Variants in ENTREP2 observed in about 807,000 individuals in gnomAD.
The protein encoded by ENTREP2 is protein ENTREP2.
chr15:29,222,648 G>A, the ENTREP2 span, among the ~76,000 whole-genome samples: 3 of 152,100 alleles, frequency 2.0e-5, no homozygotes, highest in Admixed American at 6.5e-5. Flanking sequence ...CTCATGCTCA[G>A]GAGAATGTGC....
chr15:29,222,806 C>T, the ENTREP2 span, among the ~76,000 whole-genome samples: 2 of 152,308 alleles, frequency 1.3e-5, no homozygotes, highest in East Asian at 3.9e-4. Context: ...GACAAAAATG[C>T]CTGCCAGTTG....
chr15:29,144,762 G>A, the ENTREP2 span, among the ~76,000 whole-genome samples: 4 of 151,866 alleles, frequency 2.6e-5, no homozygotes, highest in Admixed American at 6.6e-5. Flanking sequence ...ACATTTAGCC[G>A]GGTGTGGTGG....
chr15:29,377,315 A>G, the ENTREP2 span, among the ~76,000 whole-genome samples: 339 of 152,214 alleles, frequency 2.2e-3, no homozygotes, highest in Non-Finnish European at 4.1e-3. Context: ...TCCCTGGGAA[A>G]CCATGAAGGG....
the ENTREP2 span, among the ~76,000 whole-genome samples, chr15:29,147,167 A>C: frequency 6.6e-6 from 1 of 152,248 alleles, no homozygotes; most frequent in African/African-American, 2.4e-5. Flanking sequence ...TGTGCCTGAA[A>C]TACAGAAATA....
At chr15:29,238,370 C>T in the ENTREP2 span, among the ~76,000 whole-genome samples, 13 of 152,190 alleles carry the variant, frequency 8.5e-5, no homozygotes, top group Admixed American at 7.9e-4. Flanking sequence ...CGGTAGCTCA[C>T]GCCTGTAATC....
At chr15:29,272,739 A>G in the ENTREP2 span, among the ~76,000 whole-genome samples, 2 of 152,202 alleles carry the variant, frequency 1.3e-5, no homozygotes, top group Non-Finnish European at 2.9e-5. Flanking sequence ...AAATGTGCAT[A>G]TGCGCAATTG....
At chr15:29,159,143 C>A in the ENTREP2 span, among the ~76,000 whole-genome samples, 1 of 152,000 alleles carries the variant, frequency 6.6e-6, no homozygotes, top group South Asian at 2.1e-4. Context: ...TTAAAGGTGG[C>A]GTGTCTGGAG....
the ENTREP2 span, among the ~76,000 whole-genome samples, chr15:29,310,264 G>A: frequency 4.6e-5 from 7 of 152,098 alleles, no homozygotes; most frequent in African/African-American, 1.4e-4. Context: ...GGGGTGATGG[G>A]GTCTGAGTTG....
the ENTREP2 span, among the ~76,000 whole-genome samples, chr15:29,415,433 T>C: frequency 6.6e-6 from 1 of 152,278 alleles, no homozygotes; most frequent in African/African-American, 2.4e-5. Flanking sequence ...GAAAAGGCCT[T>C]TGACAGAATT....
chr15:29,180,659 G>A, the ENTREP2 span, among the ~76,000 whole-genome samples: 6 of 151,878 alleles, frequency 4.0e-5, no homozygotes, highest in East Asian at 5.8e-4. Flanking sequence ...GCAAGACTCC[G>A]TCTCAAAAAT....
chr15:29,608,843 A>T, the ENTREP2 span, among the ~76,000 whole-genome samples: 34 of 151,096 alleles, frequency 2.3e-4, no homozygotes, highest in African/African-American at 7.5e-4. Context: ...CTGGGATTAC[A>T]GGCTTGAGCC....
At chr15:29,205,221 T>C in the ENTREP2 span, among the ~76,000 whole-genome samples, 1 of 152,206 alleles carries the variant, frequency 6.6e-6, no homozygotes, top group African/African-American at 2.4e-5. Flanking sequence ...AATTCATCTG[T>C]AGATGGACAC....
the ENTREP2 span, among the ~76,000 whole-genome samples, chr15:29,263,124 T>G: frequency 6.6e-6 from 1 of 152,206 alleles, no homozygotes. Context: ...AAACATCTTC[T>G]AGAAAATACA....
chr15:29,336,141 CAA>C, the ENTREP2 span, among the ~76,000 whole-genome samples: 2 of 77,556 alleles, frequency 2.6e-5, no homozygotes, highest in Non-Finnish European at 4.8e-5. Context: ...GACTCCGTCT[CAA>C]AAAAAAAAAA....
the ENTREP2 span, among the ~76,000 whole-genome samples, chr15:29,398,656 G>A: frequency 1.3e-5 from 2 of 152,162 alleles, no homozygotes; most frequent in Non-Finnish European, 2.9e-5. Flanking sequence ...CCCGGGAAAC[G>A]GAGGTTGCAA....
At chr15:29,514,227 C>A in the ENTREP2 span, among the ~76,000 whole-genome samples, 102 of 152,310 alleles carry the variant, frequency 6.7e-4, no homozygotes, top group African/African-American at 2.3e-3. Context: ...AACAACTCTC[C>A]TTTCCCCCTC....
At chr15:29,266,035 A>C in the ENTREP2 span, 1 of 152,202 alleles carries the variant, frequency 6.6e-6, no homozygotes, top group Non-Finnish European at 1.5e-5. Context: ...TGACCAAAAG[A>C]AGTGAAAATG....
the ENTREP2 span, among the ~76,000 whole-genome samples, chr15:29,460,556 C>T: frequency 2.6e-5 from 4 of 151,262 alleles, no homozygotes; most frequent in African/African-American, 9.7e-5. Flanking sequence ...CACTTGAGCC[C>T]GGAGGCGGAG....
chr15:29,532,002 C>T, the ENTREP2 span, among the ~76,000 whole-genome samples: 1 of 152,248 alleles, frequency 6.6e-6, no homozygotes, highest in East Asian at 1.9e-4. Flanking sequence ...ATATGCATTA[C>T]TTTGCATCCT....
Sources: allele counts gnomAD v4.1 joint callset (sites outside exome capture counted in the v4.1 genomes callset), GRCh38; gene constraint gnomAD v4.1.1; transcripts MANE v1.5; gene names NCBI Gene and HGNC (gene_info 2026-07-23, HGNC 2026-07-21).